Variants in LRP1B observed in about 807,000 individuals in gnomAD.
LRP1B encodes the protein low-density lipoprotein receptor-related protein 1B.
Under a neutral mutation model 556.6 loss-of-function variants are expected in LRP1B, and 217 were observed. The observed-to-expected ratio is 0.39, with a 90% CI of 0.35 to 0.44. The LOEUF (loss-of-function observed/expected upper bound fraction) is 0.44. LRP1B is among the 20% of genes least tolerant of loss of function. The pLI is 1.00. For synonymous variants in LRP1B, 2,047 were observed against 1,865.8 expected, an observed-to-expected ratio of 1.10 and a Z score of -2.50; for missense variants, 5,053 against 5,620.8, an observed-to-expected ratio of 0.90 and a Z score of 3.23.
At chr2:140,994,386 A>T (rs1224526495) in intron 15 of LRP1B, among the ~76,000 whole-genome samples, 11 of 70,576 alleles carry the variant, frequency 1.6e-4, no homozygotes, top group Middle Eastern at 6.0e-3. Context: ...TTGGTAGGTA[A>T]GGATGTGTGT....
chr2:140,959,057 ATT>A (rs35278200), intron 18 of LRP1B, among the ~76,000 whole-genome samples: 4 of 143,382 alleles, frequency 2.8e-5, no homozygotes, highest in Non-Finnish European at 3.1e-5. Flanking sequence ...TGCTGCTCAG[ATT>A]TTTTTTTTTT....
At chr2:141,489,487 A>T (rs904021420) in intron 2 of LRP1B, among the ~76,000 whole-genome samples, 1 of 151,964 alleles carries the variant, frequency 6.6e-6, no homozygotes. Flanking sequence ...TAGACCACTT[A>T]CAAGACTATC....
At chr2:142,097,057 C>CAAAA (rs1553516821) in intron 1 of LRP1B, among the ~76,000 whole-genome samples, 1 of 93,750 alleles carries the variant, frequency 1.1e-5, no homozygotes, top group African/African-American at 3.7e-5. Flanking sequence ...ATTATCATTG[C>CAAAA]AAAAAAAAAA....
chr2:140,905,963 A>T (rs1021173346), intron 22 of LRP1B, among the ~76,000 whole-genome samples: 5 of 152,136 alleles, frequency 3.3e-5, no homozygotes, highest in Admixed American at 6.6e-5. Flanking sequence ...CTAAAAAAAA[A>T]TCTCTTCACT....
At chr2:140,504,646 A>C (rs918668726) in intron 53 of LRP1B, among the ~76,000 whole-genome samples, 8 of 152,182 alleles carry the variant, frequency 5.3e-5, no homozygotes, top group African/African-American at 1.9e-4. Flanking sequence ...CTTATTGACA[A>C]AATTAACCCT....
At chr2:141,480,264 G>A in intron 3 of LRP1B, 132 bp downstream of exon 3, 7 of 1,020,274 alleles carry the variant, frequency 6.9e-6, no homozygotes, top group Non-Finnish European at 1.0e-5. Context: ...ATGTCTGGCA[G>A]TAAAATTCAT....
intron 68 of LRP1B, among the ~76,000 whole-genome samples, chr2:140,374,781 A>C (rs930080201): frequency 1.8e-4 from 28 of 152,158 alleles, no homozygotes; most frequent in Non-Finnish European, 4.4e-5. Flanking sequence ...ATACTGTCAC[A>C]TGATTATAAT....
At chr2:140,898,967 T>C in intron 23 of LRP1B, 1 of 381,948 alleles carries the variant, frequency 2.6e-6, no homozygotes, top group South Asian at 2.1e-5. Context: ...ATTCTTCACC[T>C]GGAAGAGAAC....
chr2:141,322,728 T>G (rs778099852), intron 3 of LRP1B, among the ~76,000 whole-genome samples: 4 of 151,974 alleles, frequency 2.6e-5, no homozygotes, highest in Non-Finnish European at 4.4e-5. Flanking sequence ...CCCCTACATA[T>G]CACAATTCTA....
At chr2:141,174,201 A>C (rs865802276) in intron 7 of LRP1B, among the ~76,000 whole-genome samples, 4 of 152,258 alleles carry the variant, frequency 2.6e-5, no homozygotes, top group South Asian at 4.1e-4. Context: ...AAACAAAAGA[A>C]TAATCATTTG....
At chr2:141,516,487 G>A (rs528994443) in intron 2 of LRP1B, among the ~76,000 whole-genome samples, 4 of 152,062 alleles carry the variant, frequency 2.6e-5, no homozygotes, top group African/African-American at 9.6e-5. Flanking sequence ...ACCTTTTGTT[G>A]AGAAAATGTA....
Position 140,951,897 on chromosome 2 carries a change from A to C in LRP1B, c.2931T>G (p.Ser977Arg), listed in dbSNP as rs751307440. ...GCCATTTGCTGCTAATGCATCTTCC[A>C]CTTTTGCATACGAATTGGGTTAGTG... is the stretch of plus-strand genomic sequence containing the variant. ...CEPLTQFVCK[S>R]GRCISSKWHC... The change falls in exon 19 of 91, where the codon AGT (serine) becomes AGG (arginine). Residue 977 changes from serine to arginine, a missense_variant. Transcript: ENST00000389484. 6.2e-7 allele frequency: 1 copy of C among 1,614,078 alleles called. No individual in the cohort carries two copies. Among genetic ancestry groups the C allele is most frequent in the Non-Finnish European group, 8.5e-7 (1 of 1,179,942 alleles).
intron 2 of LRP1B, among the ~76,000 whole-genome samples, chr2:141,617,234 A>G (rs1183592522): frequency 6.6e-6 from 1 of 152,180 alleles, no homozygotes; most frequent in Non-Finnish European, 1.5e-5. Context: ...ACCTTACACA[A>G]CTTCAGATCT....
At chr2:141,104,062 C>G (rs1025622590) in intron 7 of LRP1B, among the ~76,000 whole-genome samples, 6 of 151,956 alleles carry the variant, frequency 3.9e-5, no homozygotes, top group African/African-American at 9.7e-5. Context: ...TACGTCAACA[C>G]TCTTTTGTCC....
intron 7 of LRP1B, among the ~76,000 whole-genome samples, chr2:141,177,883 T>C (rs1486294938): frequency 1.3e-5 from 2 of 152,138 alleles, no homozygotes; most frequent in East Asian, 1.9e-4. Context: ...GACAAAGGTA[T>C]TTGTTTTACT....
At chr2:141,230,623 T>G (rs1683423794) in intron 5 of LRP1B, among the ~76,000 whole-genome samples, 1 of 152,196 alleles carries the variant, frequency 6.6e-6, no homozygotes, top group Non-Finnish European at 1.5e-5. Context: ...CTTCATCTCC[T>G]TACTACTCTT....
intron 1 of LRP1B, among the ~76,000 whole-genome samples, chr2:142,060,884 G>A (rs1479415940): frequency 6.6e-6 from 1 of 151,890 alleles, no homozygotes; most frequent in African/African-American, 2.4e-5. Context: ...GAGATATGAG[G>A]CATGAAAGCA....
chr2:141,894,346 C>T (rs536608276), intron 1 of LRP1B, among the ~76,000 whole-genome samples: 1 of 152,078 alleles, frequency 6.6e-6, no homozygotes, highest in Admixed American at 6.6e-5. Flanking sequence ...CCCTCCTTCC[C>T]TCCCTTTCTT....
At chr2:141,700,483 A>G (rs1169742343) in intron 2 of LRP1B, among the ~76,000 whole-genome samples, 1 of 151,848 alleles carries the variant, frequency 6.6e-6, no homozygotes, top group Non-Finnish European at 1.5e-5. Context: ...AACGTTTTTC[A>G]TTAGAAATGT....
Sources: allele counts gnomAD v4.1 joint callset (sites outside exome capture counted in the v4.1 genomes callset), GRCh38; gene constraint gnomAD v4.1.1; transcripts MANE v1.5; gene names NCBI Gene and HGNC (gene_info 2026-07-23, HGNC 2026-07-21).